The following WDR70 variants were observed in gnomAD, a reference collection of about 807,000 sequenced individuals.
The protein encoded by WDR70 is WD repeat-containing protein 70.
Under a neutral mutation model 88.6 loss-of-function variants are expected in WDR70, and 53 were observed. The ratio of observed to expected loss-of-function variants is 0.60; its 90% CI spans 0.48 to 0.75. WDR70 has a LOEUF of 0.75. WDR70 is among the 30% of genes least tolerant of loss of function. WDR70 has a pLI of 0.00. For synonymous variants in WDR70, 280 were observed against 270.0 expected, an observed-to-expected ratio of 1.04 and a Z score of -0.36; for missense variants, 610 against 823.2, an observed-to-expected ratio of 0.74 and a Z score of 3.17.
At chr5:37,709,363 A>T (rs1036376348) in intron 13 of WDR70, among the ~76,000 whole-genome samples, 1 of 152,128 alleles carries the variant, frequency 6.6e-6, no homozygotes, top group Non-Finnish European at 1.5e-5. Flanking sequence ...TTTTAGGAGG[A>T]TTAAACAATG....
At chr5:37,740,895 T>C (rs2112730439) in intron 17 of WDR70, among the ~76,000 whole-genome samples, 1 of 152,332 alleles carries the variant, frequency 6.6e-6, no homozygotes, top group East Asian at 1.9e-4. Context: ...TCTCAAGAGG[T>C]ACTGCTCACT....
At chr5:37,744,625 C>T (rs1018672784) in intron 17 of WDR70, among the ~76,000 whole-genome samples, 4 of 151,760 alleles carry the variant, frequency 2.6e-5, no homozygotes, top group African/African-American at 7.3e-5. Context: ...AGCACAAGAA[C>T]TTTGTGAAGC....
chr5:37,572,755 C>T (rs1326708498), intron 9 of WDR70, among the ~76,000 whole-genome samples: 1 of 152,212 alleles, frequency 6.6e-6, no homozygotes, highest in Admixed American at 6.5e-5. Flanking sequence ...CAGTTCTCAA[C>T]AGATCTTTCA....
At chr5:37,556,035 TACTATAATTA>T (rs1200462837) in intron 9 of WDR70, among the ~76,000 whole-genome samples, 2 of 152,118 alleles carry the variant, frequency 1.3e-5, no homozygotes, top group African/African-American at 2.4e-5. Context: ...CAGTTTTAAG[TACTATAATTA>T]ACCAAGCCAT....
chr5:37,672,039 A>G (rs1746041000), intron 10 of WDR70, among the ~76,000 whole-genome samples: 3 of 152,246 alleles, frequency 2.0e-5, no homozygotes, highest in Non-Finnish European at 4.4e-5. Context: ...CTGTGCTCAC[A>G]GAAACATGTG....
At position 37,391,990 on chromosome 5, in the gene WDR70, A is replaced by G. The variant is rs753540223; in HGVS notation, c.176-10A>G. On this transcript the variant is annotated splice_polypyrimidine_tract_variant and intron_variant, in intron 3 of 17. Transcript: ENST00000265107. Reference sequence around the variant, plus strand: ...GGATTTTTTTGTTAATCTTTTTTTAATCTTTTCAGAAGCAAGAGAAAAAGA... The same window carrying G: ...GGATTTTTTTGTTAATCTTTTTTTAGTCTTTTCAGAAGCAAGAGAAAAAGA... 2 of 1,583,792 alleles carry G rather than the reference A, an allele frequency of 1.3e-6. No individual in the cohort carries two copies. The highest frequency in any genetic ancestry group is 2.2e-5 in the East Asian group (1 of 44,540).
chr5:37,665,829 CT>C (rs900292812), intron 10 of WDR70, among the ~76,000 whole-genome samples: 1 of 152,190 alleles, frequency 6.6e-6, no homozygotes, highest in Non-Finnish European at 1.5e-5. Context: ...GTCTTTTTGA[CT>C]GACTTTGATA....
intron 5 of WDR70, among the ~76,000 whole-genome samples, chr5:37,414,926 G>GCAGCCTTC (rs1749651687): frequency 7.3e-6 from 1 of 136,204 alleles, no homozygotes; most frequent in African/African-American, 3.7e-5. Context: ...AGAGGACCCT[G>GCAGCCTTC]CGGCCTTCCG....
intron 5 of WDR70, among the ~76,000 whole-genome samples, chr5:37,402,332 A>G (rs1749222942): frequency 1.4e-5 from 1 of 69,036 alleles, no homozygotes; most frequent in Non-Finnish European, 3.2e-5. Context: ...TGTGTGTTTT[A>G]AATTTTTAAA....
intron 17 of WDR70, among the ~76,000 whole-genome samples, chr5:37,735,296 G>C (rs1748269951): frequency 6.6e-6 from 1 of 152,136 alleles, no homozygotes; most frequent in South Asian, 2.1e-4. Flanking sequence ...TTCTGCATTA[G>C]AGATGATTCA....
chr5:37,550,717 G>C (rs771718560), intron 9 of WDR70, among the ~76,000 whole-genome samples: 2 of 152,168 alleles, frequency 1.3e-5, no homozygotes, highest in Non-Finnish European at 2.9e-5. Context: ...TGATTGGAGA[G>C]TGTAGTCCAC....
chr5:37,582,345 G>A (rs565143335), intron 9 of WDR70, among the ~76,000 whole-genome samples: 37 of 152,264 alleles, frequency 2.4e-4, no homozygotes, highest in African/African-American at 8.9e-4. Context: ...TCTGGAAACT[G>A]GACTAACAAT....
chr5:37,612,948 ACACAAAAC>A (rs1263654433), intron 10 of WDR70, among the ~76,000 whole-genome samples: 1 of 152,218 alleles, frequency 6.6e-6, no homozygotes, highest in African/African-American at 2.4e-5. Context: ...TTGATTCAAA[ACACAAAAC>A]CATCATAACT....
chr5:37,472,846 A>C (rs779553747), intron 7 of WDR70, among the ~76,000 whole-genome samples: 1 of 152,062 alleles, frequency 6.6e-6, no homozygotes, highest in South Asian at 2.1e-4. Context: ...CGTAATGAAT[A>C]AAGCTGCTTT....
rs568779345 is a variant in WDR70 at position 37,464,130 on chromosome 5, G to A, written c.687-15704G>A. ...TTATATTTTTTAGATTTTCATTTCT[G>A]TTTTAAAATAAAAATAAATCATCAG... On this transcript the variant is annotated intron_variant, in intron 7 of 17. Coordinates refer to ENST00000265107, the MANE Select transcript of WDR70 (RefSeq NM_018034.4). Among the ~76,000 whole-genome samples the A allele has an allele frequency of 1.2e-4, 18 of 152,088 alleles. No homozygotes were observed. In the East Asian group the frequency reaches 1.7e-3, roughly 15 times the overall value.
chr5:37,482,755 G>A (rs1480569464), intron 8 of WDR70, among the ~76,000 whole-genome samples: 1 of 152,178 alleles, frequency 6.6e-6, no homozygotes, highest in Non-Finnish European at 1.5e-5. Context: ...TTTGCAAGGA[G>A]GGGAGGTAGA....
At chr5:37,522,248 G>A (rs1026863855) in intron 9 of WDR70, among the ~76,000 whole-genome samples, 34 of 151,816 alleles carry the variant, frequency 2.2e-4, no homozygotes, top group Admixed American at 7.9e-4. Flanking sequence ...TGAGGCGGGC[G>A]GATCATGAGG....
rs1275724340 is a variant in WDR70, at chr5:37,563,894, C to T, written c.918-41170C>T. On this transcript the variant is annotated intron_variant, in intron 9 of 17. Transcript: ENST00000265107. ...GGGTCTCCTCACTTCTCAGACGGGGCGGCCGGGCAGAGACGCTCCTCACAT... is the reference window on the plus strand; with the variant it reads ...GGGTCTCCTCACTTCTCAGACGGGGTGGCCGGGCAGAGACGCTCCTCACAT... Among the ~76,000 whole-genome samples, 23 of 134,098 alleles carry T rather than the reference C, an allele frequency of 1.7e-4. No homozygotes were observed. The East Asian group carries it at 4.5e-3, about 26-fold the overall frequency. The allele number at this position is 134,098 out of a possible 152,430, so 88.0% of individuals were successfully genotyped here. A position where few individuals can be genotyped will look rare whatever the true frequency, so the allele number is the denominator to read the frequency against.
chr5:37,740,152 G>A (rs143312286), intron 17 of WDR70, among the ~76,000 whole-genome samples: 10 of 152,164 alleles, frequency 6.6e-5, no homozygotes, highest in African/African-American at 2.4e-4. Context: ...CATCCCCCAG[G>A]GAAGAAATCT....
Sources: gnomAD v4.1 joint callset for allele counts (sites outside exome capture counted in the v4.1 genomes callset) on GRCh38, gnomAD v4.1.1 for gene constraint, MANE v1.5 for transcripts, NCBI Gene and HGNC (gene_info 2026-07-23, HGNC 2026-07-21) for gene names.